MAMDC2: variants seen among roughly 807,000 people sequenced by gnomAD.
The protein encoded by MAMDC2 is MAM domain-containing protein 2.
Under a neutral mutation model 89.8 loss-of-function variants are expected in MAMDC2, and 57 were observed. The ratio of observed to expected loss-of-function variants is 0.63; its 90% CI spans 0.51 to 0.79. The LOEUF (loss-of-function observed/expected upper bound fraction) is 0.79, where lower values mean the gene tolerates loss of function less well. MAMDC2 is among the 30% of genes least tolerant of loss of function. The pLI is 0.00. For missense variants in MAMDC2, 800 were observed against 820.6 expected (o/e 0.97, Z 0.31); for synonymous variants, 313 against 293.4 (o/e 1.07, Z -0.68).
chr9:70,112,955 G>A (rs1178074495), intron 4 of MAMDC2, 40 bp from the exon 5 acceptor site: 13 of 1,613,054 alleles, frequency 8.1e-6, no homozygotes, highest in Non-Finnish European at 1.1e-5. Flanking sequence ...ACCCAGGTGT[G>A]ACTGTGTCTC....
chr9:70,180,228 G>A (rs1013988410), intron 11 of MAMDC2, among the ~76,000 whole-genome samples: 1 of 152,108 alleles, frequency 6.6e-6, no homozygotes, highest in African/African-American at 2.4e-5. Flanking sequence ...ATTTCATGGG[G>A]TATATGTGCC....
chr9:70,183,590 ATTATG>A lies in MAMDC2; in HGVS notation c.1651+12961_1651+12965del, dbSNP rs1163137432. Among the ~76,000 whole-genome samples, 13 of 152,208 alleles carry A rather than the reference ATTATG, an allele frequency of 8.5e-5. No individual in the cohort carries two copies. In the East Asian group the frequency reaches 1.9e-3, roughly 23 times the overall value. ...TTCTTGTTGCATTGATCCCTTTACC[ATTATG>A]TAATGGCCTTCTTTGTCTGTTTTGA... On this transcript the variant is annotated intron_variant, in intron 11 of 13. Transcript: ENST00000377182.
At chr9:70,116,623 C>T (rs1282246478) in intron 5 of MAMDC2, among the ~76,000 whole-genome samples, 3 of 151,490 alleles carry the variant, frequency 2.0e-5, no homozygotes, top group African/African-American at 7.3e-5. Flanking sequence ...TCCAAGTTCA[C>T]CATTCAGTGA....
chr9:70,170,344 G>C (rs1234072310), intron 10 of MAMDC2, 135 bp from the exon 11 acceptor site: 1 of 915,216 alleles, frequency 1.1e-6, no homozygotes, highest in Non-Finnish European at 1.6e-6. Flanking sequence ...CCGTGTAGGT[G>C]GGCCACCAGT....
chr9:70,122,132 GGC>G (rs2030312844), intron 5 of MAMDC2, among the ~76,000 whole-genome samples: 1 of 152,164 alleles, frequency 6.6e-6, no homozygotes, highest in African/African-American at 2.4e-5. Context: ...ACCCAGCTTT[GGC>G]AACAAATGAA....
At position 70,044,613 on chromosome 9, in the gene MAMDC2, C is replaced by T. The variant is rs1243522097; in HGVS notation, c.64C>T (p.Pro22Ser). ...ALQLAGALDL[P>S]AGSCAFEEST... is the part of the protein sequence containing the mutation. ...GCAGCTCGCCGGTGCCCTCGACCTG[C>T]CCGCTGGGTCCTGTGCCTTTGAAGA... is the stretch of plus-strand genomic sequence containing the variant. Residue 22 changes from proline to serine, a missense_variant, in exon 2 of 14, where the codon CCC becomes TCC. Transcript: ENST00000377182. 2.6e-6 allele frequency: 4 copies of T among 1,551,018 alleles called. No homozygotes were observed. In the East Asian group the frequency reaches 9.8e-5, roughly 38 times the overall value.
At chr9:70,125,080 T>G (rs1478770277) in intron 5 of MAMDC2, among the ~76,000 whole-genome samples, 1 of 152,240 alleles carries the variant, frequency 6.6e-6, no homozygotes, top group African/African-American at 2.4e-5. Context: ...TCTGAGCTTG[T>G]AAACAGAAAG....
At chr9:70,222,048 G>T (rs2033575169) in intron 12 of MAMDC2, among the ~76,000 whole-genome samples, 1 of 152,154 alleles carries the variant, frequency 6.6e-6, no homozygotes, top group Non-Finnish European at 1.5e-5. Flanking sequence ...CAGTAGCCCT[G>T]GCAAGAGGAG....
intron 2 of MAMDC2, among the ~76,000 whole-genome samples, chr9:70,098,033 T>G (rs747994432): frequency 8.5e-5 from 13 of 152,338 alleles, no homozygotes; most frequent in Non-Finnish European, 1.8e-4. Context: ...CCCGATGGAC[T>G]TGTTTATGTT....
chr9:70,179,352 A>AAC (rs56198912), intron 11 of MAMDC2, among the ~76,000 whole-genome samples: 119,411 of 147,612 alleles, frequency 0.81, 48,569 homozygotes, highest in Admixed American at 0.87. Context: ...CTCTACTAAA[A>AAC]ACACACACAC....
At chr9:70,151,031 A>C (rs2031562935) in intron 9 of MAMDC2, among the ~76,000 whole-genome samples, 1 of 152,194 alleles carries the variant, frequency 6.6e-6, no homozygotes, top group Non-Finnish European at 1.5e-5. Context: ...TCATTCTGCC[A>C]CATTCATAGA....
chr9:70,110,955 GACA>G (rs995630129), intron 4 of MAMDC2, among the ~76,000 whole-genome samples: 8 of 152,256 alleles, frequency 5.3e-5, no homozygotes, highest in South Asian at 4.1e-4. Flanking sequence ...TATTCTGAAC[GACA>G]ACAACAACAA....
chr9:70,132,040 A>G (rs2030828966), intron 7 of MAMDC2, among the ~76,000 whole-genome samples: 1 of 152,206 alleles, frequency 6.6e-6, no homozygotes, highest in East Asian at 1.9e-4. Context: ...AAATTTATAA[A>G]TGGCCTCATG....
intron 2 of MAMDC2, among the ~76,000 whole-genome samples, chr9:70,067,862 A>C (rs536639492): frequency 1.3e-5 from 2 of 152,352 alleles, no homozygotes; most frequent in South Asian, 4.1e-4. Flanking sequence ...TCATTGAGTC[A>C]CTAGATCAGA....
intron 11 of MAMDC2, among the ~76,000 whole-genome samples, chr9:70,196,954 A>T (rs75574665): frequency 0.017 from 2,633 of 151,850 alleles, 39 homozygotes; most frequent in East Asian, 0.043. Flanking sequence ...TCCCAGAAAT[A>T]AAAAAAAATT....
At chr9:70,178,585 T>C (rs985847116) in intron 11 of MAMDC2, among the ~76,000 whole-genome samples, 2 of 152,218 alleles carry the variant, frequency 1.3e-5, no homozygotes, top group African/African-American at 2.4e-5. Flanking sequence ...CATTCACTTA[T>C]TTGTTAAAAC....
At chr9:70,194,608 G>A (rs1301189037) in intron 11 of MAMDC2, 1 of 152,072 alleles carries the variant, frequency 6.6e-6, no homozygotes, top group East Asian at 1.9e-4. Flanking sequence ...TAGGTATTTT[G>A]CTATAGTAGC....
At chr9:70,146,106 T>G (rs2031397035) in intron 9 of MAMDC2, among the ~76,000 whole-genome samples, 1 of 152,202 alleles carries the variant, frequency 6.6e-6, no homozygotes, top group Admixed American at 6.5e-5. Flanking sequence ...GTTAACAACA[T>G]GAGTTGTTTA....
intron 9 of MAMDC2, among the ~76,000 whole-genome samples, chr9:70,164,926 CTATAATTAA>C (rs1015519029): frequency 4.0e-5 from 6 of 149,550 alleles, no homozygotes; most frequent in African/African-American, 9.8e-5. Context: ...AGATGTGAGC[CTATAATTAA>C]TATAATTAAT....
Sources: gnomAD v4.1 joint callset for allele counts (sites outside exome capture counted in the v4.1 genomes callset) on GRCh38, gnomAD v4.1.1 for gene constraint, MANE v1.5 for transcripts, NCBI Gene and HGNC (gene_info 2026-07-23, HGNC 2026-07-21) for gene names.